The following TBCD variants were observed in gnomAD, a reference collection of about 807,000 sequenced individuals.
TBCD encodes the protein tubulin-specific chaperone D.
In TBCD, 105 loss-of-function variants were observed where a neutral mutation model predicts 169.3. The observed-to-expected ratio is 0.62, with a 90% CI of 0.53 to 0.73. The LOEUF is 0.73. Ranked by LOEUF, TBCD falls within the 30% of genes least tolerant of loss-of-function variation. The pLI, the probability that TBCD is intolerant of heterozygous loss-of-function variation, is 0.00. For synonymous variants in TBCD, 700 were observed against 643.9 expected, an observed-to-expected ratio of 1.09 and a Z score of -1.32; for missense variants, 1,444 against 1,600.1, an observed-to-expected ratio of 0.90 and a Z score of 1.66.
At position 82,927,999 on chromosome 17, in the gene TBCD, C is replaced by T. The variant is rs529510788; in HGVS notation, c.2693+11C>T. ...GATCGAGGCCCATACGTGAGTGTCA[C>T]GTCGCAGCTCTTCTGCATCCTAGAG... On this transcript the variant is annotated intron_variant, in intron 30 of 38. Transcript: ENST00000355528. 5.0e-6 allele frequency: 8 copies of T among 1,607,246 alleles called. No homozygotes were observed. In the African/African-American group the frequency reaches 9.3e-5, roughly 19 times the overall value.
intron 23 of TBCD, among the ~76,000 whole-genome samples, chr17:82,914,910 T>TC (rs1167810585): frequency 6.6e-6 from 1 of 152,236 alleles, no homozygotes; most frequent in Non-Finnish European, 1.5e-5. Context: ...CTGCATAGCG[T>TC]CTGTGGTCTT....
chr17:82,754,779 G>T (rs72854333), intron 1 of TBCD, among the ~76,000 whole-genome samples: 1 of 152,244 alleles, frequency 6.6e-6, no homozygotes, highest in Non-Finnish European at 1.5e-5. Context: ...GTGTTCAGAT[G>T]TGGAGGTGGG....
intron 13 of TBCD, among the ~76,000 whole-genome samples, chr17:82,824,772 T>C (rs2052696750): frequency 6.6e-6 from 1 of 152,206 alleles, no homozygotes; most frequent in South Asian, 2.1e-4. Context: ...ACACCCCTTT[T>C]TTTAGTTCCT....
intron 26 of TBCD, 47 bp from the exon 27 acceptor site, chr17:82,924,892 C>A: frequency 6.8e-7 from 1 of 1,474,646 alleles, no homozygotes; most frequent in Non-Finnish European, 9.3e-7. Flanking sequence ...TGGCTGTACA[C>A]GATGGGCAGC....
intron 37 of TBCD, among the ~76,000 whole-genome samples, chr17:82,940,221 G>GCGCGCACACACACACACACACACA (rs1356825330): frequency 6.8e-5 from 9 of 131,700 alleles, no homozygotes; most frequent in Non-Finnish European, 1.2e-4. Flanking sequence ...TTGCACGCGC[G>GCGCGCACACACACACACACACACA]CACACACACA....
At position 82,858,846 on chromosome 17, in the gene TBCD, G is replaced by C. The variant is rs9895244; in HGVS notation, c.1319-11378G>C. 3.9e-3 allele frequency among the ~76,000 whole-genome samples: 594 copies of C among 152,334 alleles called. 2 individuals carry two copies. The highest frequency in any genetic ancestry group is 0.013 in the African/African-American group (531 of 41,580). ...GGGTGCGGCTCGTGGGTGGCTGCCT[G>C]GGGCTACCCCGTGTAGACTTGCTGG... is the stretch of plus-strand genomic sequence containing the variant. On this transcript the variant is annotated intron_variant, in intron 13 of 38. Coordinates refer to ENST00000355528, the MANE Select transcript of TBCD (RefSeq NM_005993.5).
chr17:82,869,097 G>A (rs1382154338), intron 13 of TBCD, among the ~76,000 whole-genome samples: 1 of 152,198 alleles, frequency 6.6e-6, no homozygotes, highest in East Asian at 1.9e-4. Context: ...GCTGAGCTGG[G>A]TTGGAGGCTT....
At chr17:82,940,947 C>T (rs570908195) in intron 37 of TBCD, among the ~76,000 whole-genome samples, 1 of 151,974 alleles carries the variant, frequency 6.6e-6, no homozygotes, top group South Asian at 2.1e-4. Context: ...ATCGTTTAAT[C>T]CCCTTTCTGT....
chr17:82,814,725 T>TGA, intron 12 of TBCD, 115 bp from the exon 13 acceptor site: 1 of 981,924 alleles, frequency 1.0e-6, no homozygotes, highest in Non-Finnish European at 1.6e-6. Flanking sequence ...GAGCCTTACG[T>TGA]GAGCCTTACA....
chr17:82,766,911 C>CT (rs2048043767), intron 4 of TBCD, among the ~76,000 whole-genome samples: 2 of 152,354 alleles, frequency 1.3e-5, no homozygotes, highest in South Asian at 4.1e-4. Flanking sequence ...TGTGAGGTGT[C>CT]TATCAGAGAA....
chr17:82,812,088 C>T (rs1356361049), intron 12 of TBCD, among the ~76,000 whole-genome samples: 2 of 152,056 alleles, frequency 1.3e-5, no homozygotes, highest in African/African-American at 2.4e-5. Flanking sequence ...AGCCCTGCAG[C>T]ATTACCCTGG....
At chr17:82,775,192 A>G (rs2048513760) in intron 6 of TBCD, among the ~76,000 whole-genome samples, 2 of 152,204 alleles carry the variant, frequency 1.3e-5, no homozygotes, top group South Asian at 4.1e-4. Context: ...CGGCCGAGCC[A>G]GTTTCCGTGC....
chr17:82,896,207 A>G (rs1284515019), intron 17 of TBCD, among the ~76,000 whole-genome samples: 9 of 151,906 alleles, frequency 5.9e-5, no homozygotes, highest in Non-Finnish European at 1.3e-4. Context: ...CCTCACTCAC[A>G]CTGGCTTCCT....
At chr17:82,810,099 G>A (rs1383147925) in intron 12 of TBCD, among the ~76,000 whole-genome samples, 2 of 152,128 alleles carry the variant, frequency 1.3e-5, no homozygotes, top group Non-Finnish European at 2.9e-5. Context: ...TGGGAGGTTC[G>A]GGTCTACCCC....
At chr17:82,866,522 G>T (rs74000111) in intron 13 of TBCD, among the ~76,000 whole-genome samples, 1,569 of 152,390 alleles carry the variant, frequency 0.01, 20 homozygotes, top group African/African-American at 0.035. Flanking sequence ...CGCTTCACCT[G>T]TGCTGGCGTG....
chr17:82,939,352 G>C lies in TBCD; in HGVS notation c.3370-15G>C. On this transcript the variant is annotated splice_polypyrimidine_tract_variant and intron_variant, in intron 36 of 38. Transcript: ENST00000355528. ...GGCGCTTCCCTCCGGCAAATGCACTGCATCCCTGTCCCAGATCCGGAAGAC... is the reference window on the plus strand; with the variant it reads ...GGCGCTTCCCTCCGGCAAATGCACTCCATCCCTGTCCCAGATCCGGAAGAC... 1 of 1,602,888 alleles carries C rather than the reference G, an allele frequency of 6.2e-7. No individual in the cohort carries two copies. Among genetic ancestry groups the C allele is most frequent in the South Asian group, 1.1e-5 (1 of 89,660 alleles).
intron 7 of TBCD, among the ~76,000 whole-genome samples, chr17:82,786,108 C>G (rs769848841): frequency 1.3e-5 from 2 of 152,216 alleles, no homozygotes; most frequent in East Asian, 1.9e-4. Flanking sequence ...CCTACCAGCC[C>G]GTGGGGCCAA....
rs1024874056 is a variant in TBCD, at chr17:82,815,025, G to A, written c.1318+91G>A. The A allele has an allele frequency of 4.5e-6, 7 of 1,570,002 alleles. No individual in the cohort carries two copies. In the Admixed American group the frequency reaches 1.3e-4, roughly 29 times the overall value. Reference sequence around the variant, plus strand: ...TTGCTGCCATCTCGACTCGTGGATGGTGAGTAGCTGAAGCACGGTCAGCTG... The same window carrying A: ...TTGCTGCCATCTCGACTCGTGGATGATGAGTAGCTGAAGCACGGTCAGCTG... On this transcript the variant is annotated intron_variant, in intron 13 of 38. Coordinates refer to ENST00000355528, the MANE Select transcript of TBCD (RefSeq NM_005993.5).
intron 13 of TBCD, among the ~76,000 whole-genome samples, chr17:82,847,080 G>A (rs1362928598): frequency 2.0e-5 from 3 of 152,178 alleles, no homozygotes; most frequent in Non-Finnish European, 4.4e-5. Context: ...GGCCGGGCGT[G>A]GTGGCTCACG....
Sources: gnomAD v4.1 joint callset for allele counts (sites outside exome capture counted in the v4.1 genomes callset) on GRCh38, gnomAD v4.1.1 for gene constraint, MANE v1.5 for transcripts, NCBI Gene and HGNC (gene_info 2026-07-23, HGNC 2026-07-21) for gene names.